The following ZNF581 variants were observed in gnomAD, a reference collection of about 807,000 sequenced individuals.
The protein encoded by ZNF581 is zinc finger protein 581.
In ZNF581, 1 loss-of-function variant was observed where a neutral mutation model predicts 1.2. The ratio of observed to expected loss-of-function variants is 0.83; its 90% confidence interval spans 0.30 to 3.95. The LOEUF is 3.95. Ranked by LOEUF, ZNF581 falls within the 30% of genes most tolerant of loss-of-function variation. ZNF581 has a pLI of 0.18. For synonymous variants in ZNF581, 105 were observed against 109.2 expected (o/e 0.96, Z 0.24); for missense variants, 273 against 274.6 (o/e 0.99, Z 0.04).
upstream of ZNF581, chr19:55,640,410 G>T (rs1012670200): frequency 1.0e-6 from 1 of 985,498 alleles, no homozygotes; most frequent in Non-Finnish European, 1.2e-6. Context: ...GCAAAGCCTG[G>T]CCTTCGCTGC....
At chr19:55,642,423 A>T, upstream of ZNF581, 1 of 1,394,118 alleles carries the variant, frequency 7.2e-7, no homozygotes, top group Non-Finnish European at 9.3e-7. Context: ...GATAGTGGGG[A>T]TGCTTTCCAT....
chr19:55,643,108 C>A, upstream of ZNF581: 1 of 1,311,044 alleles, frequency 7.6e-7, no homozygotes, highest in Non-Finnish European at 9.7e-7. Context: ...CTCCCACACA[C>A]ACCCCCTGGC....
At chr19:55,640,989 G>A, upstream of ZNF581, 1 of 985,368 alleles carries the variant, frequency 1.0e-6, no homozygotes, top group South Asian at 4.7e-5. Flanking sequence ...GGGCTCGCGC[G>A]CTTCCGGCCG....
At chr19:55,636,716 C>T (rs1012395600), upstream of ZNF581, among the ~76,000 whole-genome samples, 1 of 152,056 alleles carries the variant, frequency 6.6e-6, no homozygotes, top group Non-Finnish European at 1.5e-5. Context: ...AGGAAATGAA[C>T]AGACGGAGGA....
In ZNF581 at chr19:55,644,804, G is replaced by T. The variant is rs768976151; in HGVS notation, c.233G>T (p.Ser78Ile). 1 of 1,612,734 alleles carries T rather than the reference G, an allele frequency of 6.2e-7. No homozygotes were observed. The highest frequency in any genetic ancestry group is 1.1e-5 in the South Asian group (1 of 91,062). The change falls in exon 2 of 2, where the codon AGT (serine) becomes ATT (isoleucine). Residue 78 changes from serine (S) to isoleucine (I), a missense_variant. Transcript: ENST00000270451. The surrounding 1 kb of genome is among the most constrained non-coding windows in gnomAD (Gnocchi z 4.3). ...DEESQREPGA[S>I]GAPGQKKCYS... ...GAGTCACAGAGGGAGCCAGGGGCCAGTGGGGCTCCAGGCCAGAAAAAGTGC... is the reference window on the plus strand; with the variant it reads ...GAGTCACAGAGGGAGCCAGGGGCCATTGGGGCTCCAGGCCAGAAAAAGTGC...
upstream of ZNF581, among the ~76,000 whole-genome samples, chr19:55,637,508 G>A (rs1297988807): frequency 6.6e-6 from 1 of 152,104 alleles, no homozygotes; most frequent in Non-Finnish European, 1.5e-5. Flanking sequence ...CTGTACTCAA[G>A]CCTGGGCGAC....
At chr19:55,642,620 A>T, upstream of ZNF581, 3 of 1,419,766 alleles carry the variant, frequency 2.1e-6, no homozygotes, top group Non-Finnish European at 2.8e-6. Context: ...CCCCTCCTCC[A>T]CTCCTTCCTC....
At chr19:55,642,610 C>T (rs1982586222), upstream of ZNF581, 3 of 1,454,932 alleles carry the variant, frequency 2.1e-6, no homozygotes, top group African/African-American at 3.0e-5. Flanking sequence ...AGGCGGAAGG[C>T]CCCTCCTCCA....
At chr19:55,643,066 G>A, upstream of ZNF581, 2 of 1,340,186 alleles carry the variant, frequency 1.5e-6, no homozygotes, top group African/African-American at 1.5e-5. Context: ...CCGTCTCAGG[G>A]CCACCAAGTC....
chr19:55,640,923 G>T, upstream of ZNF581: 1 of 985,412 alleles, frequency 1.0e-6, no homozygotes, highest in Non-Finnish European at 1.2e-6. Flanking sequence ...CCCGCAGGGC[G>T]CTCCGCAGAG....
upstream of ZNF581, among the ~76,000 whole-genome samples, chr19:55,636,545 C>T (rs144746960): frequency 1.3e-5 from 2 of 152,208 alleles, no homozygotes; most frequent in African/African-American, 2.4e-5. Context: ...CAACCAATAT[C>T]GAATTGATTC....
In ZNF581 at chr19:55,644,946, G is replaced by C; in HGVS notation, c.375G>C (p.Lys125Asn). The C allele has an allele frequency of 6.2e-7, 1 of 1,613,248 alleles. No homozygotes were observed. ...GTGACATCTGTGGGAAGGCATTCAA[G>C]CGCGCCAGCCACTTGGCACGGCACC... ...FECDICGKAF[K>N]RASHLARHHS... The change falls in exon 2 of 2, where the codon AAG becomes AAC. Residue 125 changes from lysine (K) to asparagine (N), a missense_variant. By Grantham distance (94) the Lys-to-Asn change is moderately conservative. Transcript: ENST00000270451. The surrounding 1 kb of genome is among the most constrained non-coding windows in gnomAD (Gnocchi z 4.3).
upstream of ZNF581, chr19:55,643,360 T>C (rs1982654200): frequency 1.3e-5 from 4 of 311,152 alleles, no homozygotes; most frequent in Non-Finnish European, 2.5e-5. Flanking sequence ...CCGGTGGTTG[T>C]CTGCGGGGAA....
upstream of ZNF581, chr19:55,641,647 C>T (rs950004328): frequency 6.6e-6 from 1 of 150,794 alleles, no homozygotes; most frequent in Non-Finnish European, 1.5e-5. Flanking sequence ...GAGAAGGCCC[C>T]TGATGGGTAC....
chr19:55,642,349 C>G, upstream of ZNF581: 1 of 1,270,790 alleles, frequency 7.9e-7, no homozygotes, highest in Admixed American at 4.2e-5. Flanking sequence ...GAGAGCCGGG[C>G]TGGAGTCACA....
chr19:55,642,542 C>G, upstream of ZNF581: 1 of 1,444,244 alleles, frequency 6.9e-7, no homozygotes, highest in Non-Finnish European at 9.1e-7. Context: ...ACCCCACCCT[C>G]GGTCCTCCTC....
chr19:55,642,680 G>A, upstream of ZNF581: 1 of 1,433,700 alleles, frequency 7.0e-7, no homozygotes, highest in South Asian at 1.4e-5. Flanking sequence ...CCTCATCGAC[G>A]CCAATGGGGT....
At chr19:55,641,114 C>T (rs1295764900), upstream of ZNF581, 2 of 985,088 alleles carry the variant, frequency 2.0e-6, no homozygotes, top group African/African-American at 3.5e-5. Flanking sequence ...CGCCGGCGCT[C>T]GCCAGGGGAA....
At chr19:55,642,492 C>G (rs768413752), upstream of ZNF581, 10 of 1,426,642 alleles carry the variant, frequency 7.0e-6, no homozygotes, top group African/African-American at 1.5e-4. Context: ...CTCCGCCGCT[C>G]CCAGCTGCCG....
Sources: allele counts gnomAD v4.1 joint callset (sites outside exome capture counted in the v4.1 genomes callset), GRCh38; gene constraint gnomAD v4.1.1; non-coding constraint Gnocchi (gnomAD v3.1); transcripts MANE v1.5; gene names NCBI Gene and HGNC (gene_info 2026-07-23, HGNC 2026-07-21).